G6PD: variants seen among roughly 807,000 people sequenced by gnomAD.
G6PD encodes the protein glucose-6-phosphate 1-dehydrogenase.
In G6PD, 2 loss-of-function variants were observed where a neutral mutation model predicts 38.2. The observed-to-expected ratio is 0.05, with a 90% CI of 0.02 to 0.16. The LOEUF (loss-of-function observed/expected upper bound fraction) is 0.16. Among genes scored for constraint, G6PD ranks in the 10% least tolerant of loss-of-function variants. The pLI is 1.00. For missense variants in G6PD, 310 were observed against 471.6 expected (o/e 0.66, Z 3.17); for synonymous variants, 188 against 196.0 (o/e 0.96, Z 0.34).
intron 2 of G6PD, among the ~76,000 whole-genome samples, chrX:154,541,916 C>A (rs1557232015): frequency 1.8e-5 from 2 of 112,283 alleles, no homozygotes; most frequent in South Asian, 3.7e-4. Context: ...TGGGCCATCC[C>A]ATCCCCAAGG....
chrX:154,545,656 G>A (rs2070682302), intron 2 of G6PD: 1 of 194,557 alleles, frequency 5.1e-6, no homozygotes, highest in African/African-American at 3.1e-5. Flanking sequence ...TCAACATGGT[G>A]AAACTCCGTC....
In G6PD at chrX:154,531,963, G is replaced by A. The variant is rs782799512; in HGVS notation, c.*37C>T. 7 of 1,193,307 alleles carry A rather than the reference G, an allele frequency of 5.9e-6. No individual in the cohort carries two copies. The South Asian group carries it at 1.3e-4, about 22-fold the overall frequency. On this transcript the variant is annotated 3_prime_UTR_variant, in exon 13 of 13. Coordinates refer to ENST00000393562, the MANE Select transcript of G6PD (RefSeq NM_001360016.2). ...CTCGGGGTCGGGCGGCGGGAAGGAG[G>A]GTGGCCGTGGCGGGGGTGGAGGTGG...
intron 2 of G6PD, 87 bp from the exon 3 acceptor site, chrX:154,536,265 C>T (rs1466447160): frequency 1.1e-5 from 10 of 916,220 alleles, no homozygotes; most frequent in Non-Finnish European, 1.6e-5. Flanking sequence ...GATCTGGGCA[C>T]TACTCAGGAT....
At chrX:154,540,606 C>G (rs1285577166) in intron 2 of G6PD, among the ~76,000 whole-genome samples, 3 of 103,793 alleles carry the variant, frequency 2.9e-5, no homozygotes, top group Non-Finnish European at 5.9e-5. Flanking sequence ...CCACCAAACT[C>G]CAGCCTGGGT....
rs1307320948 is a variant in G6PD, at chrX:154,535,317, G to A, written c.336C>T (p.Tyr112=). The change falls in exon 5 of 13, where the codon TAC becomes TAT. Residue 112 remains tyrosine (Y), a synonymous_variant. Coordinates refer to ENST00000393562, the MANE Select transcript of G6PD (RefSeq NM_001360016.2). Reference sequence around the variant, plus strand: ...GGCGCTGGTAGGAGGCTGCATCATCGTACTGGCCAGCCACATAGGAGTTGC... The same window carrying A: ...GGCGCTGGTAGGAGGCTGCATCATCATACTGGCCAGCCACATAGGAGTTGC... ...FARNSYVAGQ[Y]DDAASYQRLN... 14 of 1,210,644 alleles carry A rather than the reference G, an allele frequency of 1.2e-5. No homozygotes were observed. Among genetic ancestry groups the A allele is most frequent in the Admixed American group, 4.4e-5 (2 of 45,894 alleles).
chrX:154,543,688 CTTTTTA>C (rs1430696373), intron 2 of G6PD, among the ~76,000 whole-genome samples: 8 of 110,035 alleles, frequency 7.3e-5, no homozygotes, highest in Non-Finnish European at 1.1e-4. Context: ...AGGTATGGCT[CTTTTTA>C]TTTTTATTTT....
Position 154,531,775 on chromosome X carries a change from G to C in G6PD, c.*225C>G. ...GAGTGGAGGAGGTGACTCAGCTCCT[G>C]GGCTCAGGCAGGGTCTGGAGGGGCC... On this transcript the variant is annotated 3_prime_UTR_variant, in exon 13 of 13. Transcript: ENST00000393562. 1 of 495,356 alleles carries C rather than the reference G, an allele frequency of 2.0e-6. No individual in the cohort carries two copies. Among genetic ancestry groups the C allele is most frequent in the East Asian group, 3.7e-5 (1 of 26,953 alleles). The allele number at this position is 495,356 out of a possible 1,213,427, so 40.8% of individuals were successfully genotyped here.
At chrX:154,535,416 C>G (rs1557230669) in intron 4 of G6PD, 31 bp from the exon 5 acceptor site, 2 of 1,140,300 alleles carry the variant, frequency 1.8e-6, no homozygotes, top group African/African-American at 3.5e-5. Flanking sequence ...GACACACAGA[C>G]AGATGTCAGC....
chrX:154,536,251 T>G (rs782197470), intron 2 of G6PD, 73 bp from the exon 3 acceptor site: 7 of 1,017,588 alleles, frequency 6.9e-6, no homozygotes, highest in African/African-American at 3.7e-5. Context: ...CCTCCACCCT[T>G]GGTGATCTGG....
rs1306269568 is a variant in G6PD, at chrX:154,543,869, A to ATT, written c.120+2165_120+2166dup. The stretch of plus-strand genomic sequence containing the variant: ...CCACTACACCTAACTAATTTTTGTT[A>ATT]TTTTTTTTTTTTTTTTGAGATGGAG... On this transcript the variant is annotated intron_variant, in intron 2 of 12. Transcript: ENST00000393562. 9.6e-5 allele frequency among the ~76,000 whole-genome samples: 8 copies of ATT among 83,651 alleles called. No homozygotes were observed. In the East Asian group the frequency reaches 2.6e-3, roughly 27 times the overall value. The allele number at this position is 83,651 out of a possible 115,157, so 72.6% of individuals were successfully genotyped here.
intron 2 of G6PD, among the ~76,000 whole-genome samples, chrX:154,544,285 C>T (rs909121506): frequency 1.8e-5 from 2 of 111,127 alleles, no homozygotes; most frequent in Non-Finnish European, 3.8e-5. Flanking sequence ...CCTCAGCCTA[C>T]TGAGTAGCTG....
chrX:154,539,233 T>A, intron 2 of G6PD, among the ~76,000 whole-genome samples: 1 of 111,774 alleles, frequency 8.9e-6, no homozygotes, highest in Non-Finnish European at 1.9e-5. Context: ...CAGCCTTGGT[T>A]CATAGCGGCC....
At chrX:154,546,950 A>G (rs1383309286), upstream of G6PD, 31 of 395,091 alleles carry the variant, frequency 7.8e-5, no homozygotes, top group Non-Finnish European at 1.1e-4. Flanking sequence ...GGCCTCGGCC[A>G]CCACCCCTCG....
At chrX:154,540,524 G>A (rs919611670) in intron 2 of G6PD, among the ~76,000 whole-genome samples, 1 of 107,875 alleles carries the variant, frequency 9.3e-6, no homozygotes, top group Admixed American at 1.0e-4. Flanking sequence ...TGGAATCCCA[G>A]CTACTCAGGA....
At chrX:154,542,328 A>G in intron 2 of G6PD, 1 of 1,192,737 alleles carries the variant, frequency 8.4e-7, no homozygotes, top group South Asian at 1.8e-5. Context: ...CAGACTATCA[A>G]TCCCAGTCTC....
intron 5 of G6PD, among the ~76,000 whole-genome samples, 173 bp from the exon 6 acceptor site, chrX:154,534,669 G>A (rs1325411248): frequency 1.8e-5 from 2 of 110,673 alleles, no homozygotes; most frequent in Non-Finnish European, 3.8e-5. Context: ...AACACCTTCC[G>A]GGAAGCCTTC....
At chrX:154,546,198 A>C (rs1557233250) in intron 1 of G6PD, 35 bp from the exon 2 acceptor site, 1 of 1,208,430 alleles carries the variant, frequency 8.3e-7, no homozygotes, top group South Asian at 1.8e-5. Context: ...AAGGCAGAAG[A>C]ACAGGAGAGC....
chrX:154,542,893 A>G (rs2148341859), intron 2 of G6PD, among the ~76,000 whole-genome samples: 1 of 112,059 alleles, frequency 8.9e-6, no homozygotes, highest in South Asian at 3.7e-4. Flanking sequence ...CCCTGGCCGC[A>G]ATAGCACATA....
chrX:154,533,416 T>G (rs2070365900), intron 8 of G6PD, 160 bp downstream of exon 8: 1 of 621,227 alleles, frequency 1.6e-6, no homozygotes, highest in Non-Finnish European at 2.5e-6. Context: ...GCTTCATGAC[T>G]GCCAGTCCAG....
Sources: gnomAD v4.1 joint callset for allele counts (sites outside exome capture counted in the v4.1 genomes callset) on GRCh38, gnomAD v4.1.1 for gene constraint, MANE v1.5 for transcripts, NCBI Gene and HGNC (gene_info 2026-07-23, HGNC 2026-07-21) for gene names.